MFSD6: variants seen among roughly 807,000 people sequenced by gnomAD.
MFSD6 encodes the protein major facilitator superfamily domain containing 6.
A neutral mutation model predicts 56.3 loss-of-function variants in MFSD6; 26 were observed. The observed-to-expected ratio is 0.46, with a 90% confidence interval of 0.34 to 0.64. MFSD6 has a LOEUF of 0.64. Ranked by LOEUF, MFSD6 falls within the 30% of genes least tolerant of loss-of-function variation. The pLI is 0.01. For synonymous variants in MFSD6, 331 were observed against 366.9 expected (o/e 0.90, Z 1.12); for missense variants, 750 against 986.2 (o/e 0.76, Z 3.21).
intron 4 of MFSD6, among the ~76,000 whole-genome samples, chr2:190,474,744 C>G (rs1405654570): frequency 6.6e-6 from 1 of 152,168 alleles, no homozygotes; most frequent in African/African-American, 2.4e-5. Flanking sequence ...GATACCAAAG[C>G]CTGGCACAGA....
At position 190,438,392 on chromosome 2, in the gene MFSD6, C is replaced by T. The variant is rs766686505; in HGVS notation, c.1532+831C>T. On this transcript the variant is annotated intron_variant, in intron 3 of 7. Coordinates refer to ENST00000392328, the MANE Select transcript of MFSD6 (RefSeq NM_017694.4). This position sits in a 1 kb window ranked among gnomAD's most constrained non-coding sequence, Gnocchi z 5.2. ...TTAGCCGGGCATGGTGGCACGCACC[C>T]GTAGTCCCAGCTACTCGGGAGGCTG... Among the ~76,000 whole-genome samples the T allele has an allele frequency of 6.6e-6, 1 of 151,998 alleles. No individual in the cohort carries two copies. The highest frequency in any genetic ancestry group is 2.4e-5 in the African/African-American group (1 of 41,370).
At position 190,488,670 on chromosome 2, in the gene MFSD6, G is replaced by C; in HGVS notation, c.1644G>C (p.Ala548=). The C allele has an allele frequency of 3.9e-6, 6 of 1,553,398 alleles. No individual in the cohort carries two copies. The highest frequency in any genetic ancestry group is 5.2e-6 in the Non-Finnish European group (6 of 1,149,690). Residue 548 remains alanine, a synonymous_variant, in exon 5 of 8, where the codon GCG becomes GCC. Coordinates refer to ENST00000392328, the MANE Select transcript of MFSD6 (RefSeq NM_017694.4). The surrounding 1 kb of genome is among the most constrained non-coding windows in gnomAD (Gnocchi z 6.4). Reference sequence around the variant, plus strand: ...CTTCCTCTCCAGGAGTGACACACGCGGCCATCTGGGCAGCATGCATTTCTT... The same window carrying C: ...CTTCCTCTCCAGGAGTGACACACGCCGCCATCTGGGCAGCATGCATTTCTT... ...PMEVLQGVTH[A]AIWAACISYL...
Position 190,489,911 on chromosome 2 carries a change from A to G in MFSD6, c.1891+45A>G. ...CTTAATATTCCTAACAGTTCAGGCCATGGGAAGTCAACAAATGCCCCGAGA... is the reference window on the plus strand; with the variant it reads ...CTTAATATTCCTAACAGTTCAGGCCGTGGGAAGTCAACAAATGCCCCGAGA... On this transcript the variant is annotated intron_variant, in intron 6 of 7. Transcript: ENST00000392328. The surrounding 1 kb of genome is among the most constrained non-coding windows in gnomAD (Gnocchi z 6.6). The G allele has an allele frequency of 6.7e-7, 1 of 1,500,458 alleles. No homozygotes were observed. The highest frequency in any genetic ancestry group is 8.9e-7 in the Non-Finnish European group (1 of 1,117,826). 92.9% of individuals were successfully genotyped at this position (1,500,458 alleles called of 1,614,324 possible). A position where few individuals can be genotyped will look rare whatever the true frequency, so the allele number is the denominator to read the frequency against.
In MFSD6 at chr2:190,438,793, T is replaced by C. The variant is rs1686268347; in HGVS notation, c.1532+1232T>C. Reference sequence around the variant, plus strand: ...GAGGAGAAATAGACAATGACAAGATTTGACAATCCTTTATTTCCTTTCTAT... The same window carrying C: ...GAGGAGAAATAGACAATGACAAGATCTGACAATCCTTTATTTCCTTTCTAT... On this transcript the variant is annotated intron_variant, in intron 3 of 7. Coordinates refer to ENST00000392328, the MANE Select transcript of MFSD6 (RefSeq NM_017694.4). The surrounding 1 kb of genome is among the most constrained non-coding windows in gnomAD (Gnocchi z 5.2). Among the ~76,000 whole-genome samples, 1 of 152,246 alleles carries C rather than the reference T, an allele frequency of 6.6e-6. No homozygotes were observed. Among genetic ancestry groups the C allele is most frequent in the African/African-American group, 2.4e-5 (1 of 41,470 alleles).
intron 3 of MFSD6, among the ~76,000 whole-genome samples, chr2:190,442,181 A>T (rs567488078): frequency 1.3e-5 from 2 of 152,316 alleles, no homozygotes; most frequent in South Asian, 4.1e-4. Context: ...CTCATAGTAA[A>T]TTTGGAATTA....
In MFSD6 at chr2:190,490,489, G is replaced by A. The variant is rs191667823; in HGVS notation, c.1891+623G>A. The stretch of plus-strand genomic sequence containing the variant: ...GAGGCAGGAGAATGGCGTGAACCCA[G>A]GAGGTGGAGCTTGCAGTGAGCCGAG... On this transcript the variant is annotated intron_variant, in intron 6 of 7. Coordinates refer to ENST00000392328, the MANE Select transcript of MFSD6 (RefSeq NM_017694.4). The surrounding 1 kb of genome is among the most constrained non-coding windows in gnomAD (Gnocchi z 4.5). 6.6e-6 allele frequency among the ~76,000 whole-genome samples: 1 copy of A among 152,184 alleles called. No individual in the cohort carries two copies. The highest frequency in any genetic ancestry group is 6.5e-5 in the Admixed American group (1 of 15,292).
At position 190,463,180 on chromosome 2, in the gene MFSD6, G is replaced by T. The variant is rs1211166696; in HGVS notation, c.1533-6578G>T. Among the ~76,000 whole-genome samples the T allele has an allele frequency of 6.6e-6, 1 of 152,198 alleles. No homozygotes were observed. The highest frequency in any genetic ancestry group is 2.4e-5 in the African/African-American group (1 of 41,438). On this transcript the variant is annotated intron_variant, in intron 3 of 7. Coordinates refer to ENST00000392328, the MANE Select transcript of MFSD6 (RefSeq NM_017694.4). The surrounding 1 kb of genome is among the most constrained non-coding windows in gnomAD (Gnocchi z 4.4). ...ATATCATGGAAGATAGCTGGGAGGA[G>T]GGGGACAGTTATGAGAAAACAAATT...
In MFSD6 at chr2:190,500,291, C is replaced by A; in HGVS notation, c.*73C>A. The A allele has an allele frequency of 1.3e-6, 2 of 1,502,078 alleles. No homozygotes were observed. Among genetic ancestry groups the A allele is most frequent in the Non-Finnish European group, 1.8e-6 (2 of 1,089,006 alleles). The allele number at this position is 1,502,078 out of a possible 1,614,324, so 93.0% of individuals were successfully genotyped here. A position where few individuals can be genotyped will look rare whatever the true frequency, so the allele number is the denominator to read the frequency against. On this transcript the variant is annotated 3_prime_UTR_variant, in exon 8 of 8. Coordinates refer to ENST00000392328, the MANE Select transcript of MFSD6 (RefSeq NM_017694.4). This position sits in a 1 kb window ranked among gnomAD's most constrained non-coding sequence, Gnocchi z 5.3. ...CAGGACACAGGGTGAGGCCCCCCAG[C>A]CAGGATATGCCTCCCCTGGAGGAGC... is the stretch of plus-strand genomic sequence containing the variant.
rs1279214157 is a variant in MFSD6, at chr2:190,496,378, C to G, written c.1892-1061C>G. ...GTGAAAAGGAAACACTTCTACACTG[C>G]TGGTAGGAATGTAAGCTGTACAAAC... On this transcript the variant is annotated intron_variant, in intron 6 of 7. Transcript: ENST00000392328. The surrounding 1 kb of genome is among the most constrained non-coding windows in gnomAD (Gnocchi z 4.7). Among the ~76,000 whole-genome samples the G allele has an allele frequency of 6.6e-6, 1 of 152,128 alleles. No homozygotes were observed. Among genetic ancestry groups the G allele is most frequent in the Non-Finnish European group, 1.5e-5 (1 of 68,004 alleles).
In MFSD6 at chr2:190,488,836, CTTTT is replaced by C. The variant is rs752166281; in HGVS notation, c.1792+23_1792+26del. 2 of 1,514,054 alleles carry C rather than the reference CTTTT, an allele frequency of 1.3e-6. No homozygotes were observed. The highest frequency in any genetic ancestry group is 1.8e-4 in the Middle Eastern group (1 of 5,640). The allele number at this position is 1,514,054 out of a possible 1,614,324, so 93.8% of individuals were successfully genotyped here. A position where few individuals can be genotyped will look rare whatever the true frequency, so the allele number is the denominator to read the frequency against. ...TTATTTTGGTAAGAATGGCTTTCTC[CTTTT>C]TTTTCTTTTCTATTATTAAAACATG... On this transcript the variant is annotated intron_variant, in intron 5 of 7. Transcript: ENST00000392328. The surrounding 1 kb of genome is among the most constrained non-coding windows in gnomAD (Gnocchi z 6.4).
At chr2:190,441,743 C>T (rs2125063601) in intron 3 of MFSD6, among the ~76,000 whole-genome samples, 3 of 152,204 alleles carry the variant, frequency 2.0e-5, no homozygotes, top group Middle Eastern at 3.4e-3. Context: ...GCTCTAGAGA[C>T]CTCTGTGAGC....
In MFSD6 at chr2:190,491,122, T is replaced by G. The variant is rs1266736650; in HGVS notation, c.1891+1256T>G. Among the ~76,000 whole-genome samples the G allele has an allele frequency of 6.6e-6, 1 of 152,226 alleles. No individual in the cohort carries two copies. Among genetic ancestry groups the G allele is most frequent in the East Asian group, 1.9e-4 (1 of 5,200 alleles). ...TAATCACAAAAAAATTTAAAATCAT[T>G]AATTAAACATTCAATGTAAGAAACA... On this transcript the variant is annotated intron_variant, in intron 6 of 7. Coordinates refer to ENST00000392328, the MANE Select transcript of MFSD6 (RefSeq NM_017694.4). This position sits in a 1 kb window ranked among gnomAD's most constrained non-coding sequence, Gnocchi z 4.2.
rs1689250273 is a variant in MFSD6 at position 190,490,147 on chromosome 2, C to T, written c.1891+281C>T. On this transcript the variant is annotated intron_variant, in intron 6 of 7. Coordinates refer to ENST00000392328, the MANE Select transcript of MFSD6 (RefSeq NM_017694.4). The surrounding 1 kb of genome is among the most constrained non-coding windows in gnomAD (Gnocchi z 4.5). The stretch of plus-strand genomic sequence containing the variant: ...AGGGAAGTATTAGTTTTCAATTTCT[C>T]TGGTATTCTAAAGGTTTTTCAAATT... Among the ~76,000 whole-genome samples, 1 of 151,854 alleles carries T rather than the reference C, an allele frequency of 6.6e-6. No homozygotes were observed. Among genetic ancestry groups the T allele is most frequent in the Non-Finnish European group, 1.5e-5 (1 of 67,986 alleles).
chr2:190,482,399 C>CT lies in MFSD6; in HGVS notation c.1631-6243dup, dbSNP rs576422479. Among the ~76,000 whole-genome samples the CT allele has an allele frequency of 6.7e-3, 945 of 142,026 alleles. 2 individuals carry two copies. Among genetic ancestry groups the CT allele is most frequent in the African/African-American group, 8.9e-3 (346 of 38,676 alleles). 93.2% of individuals were successfully genotyped at this position (142,026 alleles called of 152,430 possible). ...CCAAGTTGACCTTTCGGAAGCTTTCCTTTTTTTTTTTTTTTAATCCCAGAA... is the reference window on the plus strand; with the variant it reads ...CCAAGTTGACCTTTCGGAAGCTTTCCTTTTTTTTTTTTTTTTAATCCCAGAA... On this transcript the variant is annotated intron_variant, in intron 4 of 7. Transcript: ENST00000392328.
In MFSD6 at chr2:190,459,929, T is replaced by C. The variant is rs1687235200; in HGVS notation, c.1533-9829T>C. On this transcript the variant is annotated intron_variant, in intron 3 of 7. Transcript: ENST00000392328. The surrounding 1 kb of genome is among the most constrained non-coding windows in gnomAD (Gnocchi z 5.3). ...CACTCTCTGACATACAATGTGATTC[T>C]TATGCTCTGTTCTACAAGGATGGGT... 6.6e-6 allele frequency among the ~76,000 whole-genome samples: 1 copy of C among 152,250 alleles called. No homozygotes were observed. Among genetic ancestry groups the C allele is most frequent in the African/African-American group, 2.4e-5 (1 of 41,474 alleles).
rs923580202 is a variant in MFSD6 at position 190,497,042 on chromosome 2, C to T, written c.1892-397C>T. Among the ~76,000 whole-genome samples, 1 of 152,106 alleles carries T rather than the reference C, an allele frequency of 6.6e-6. No homozygotes were observed. Among genetic ancestry groups the T allele is most frequent in the Admixed American group, 6.5e-5 (1 of 15,276 alleles). ...ACGTAACCAAATACCACCTGTTCCCCAAAAACCTGTGGGAATAAAACATTT... is the reference window on the plus strand; with the variant it reads ...ACGTAACCAAATACCACCTGTTCCCTAAAAACCTGTGGGAATAAAACATTT... On this transcript the variant is annotated intron_variant, in intron 6 of 7. Transcript: ENST00000392328. This position sits in a 1 kb window ranked among gnomAD's most constrained non-coding sequence, Gnocchi z 5.2.
chr2:190,428,675 T>A (rs1293060589), intron 2 of MFSD6, among the ~76,000 whole-genome samples: 1 of 151,820 alleles, frequency 6.6e-6, no homozygotes, highest in Non-Finnish European at 1.5e-5. Context: ...ATTTATTTAT[T>A]TATTTATTTA....
chr2:190,451,533 T>C lies in MFSD6; in HGVS notation c.1532+13972T>C, dbSNP rs1034590785. ...ACTGGGGCAGACAGTGAACAGTAAG[T>C]AGATGATTTTACTTCTGATAATGAT... On this transcript the variant is annotated intron_variant, in intron 3 of 7. Transcript: ENST00000392328. This position sits in a 1 kb window ranked among gnomAD's most constrained non-coding sequence, Gnocchi z 5.0. 8.5e-5 allele frequency among the ~76,000 whole-genome samples: 13 copies of C among 152,206 alleles called. No individual in the cohort carries two copies. Among genetic ancestry groups the C allele is most frequent in the Non-Finnish European group, 5.9e-5 (4 of 68,028 alleles).
intron 4 of MFSD6, among the ~76,000 whole-genome samples, chr2:190,478,449 G>A (rs1190925121): frequency 1.3e-5 from 2 of 152,180 alleles, no homozygotes; most frequent in East Asian, 3.8e-4. Context: ...GATTATTCAT[G>A]TGGAATAAAA....
Sources: gnomAD v4.1 joint callset for allele counts (sites outside exome capture counted in the v4.1 genomes callset) on GRCh38, gnomAD v4.1.1 for gene constraint, Gnocchi (gnomAD v3.1) non-coding constraint, MANE v1.5 for transcripts, NCBI Gene and HGNC (gene_info 2026-07-23, HGNC 2026-07-21) for gene names.